The following GCNT2 variants were observed in gnomAD, a reference collection of about 807,000 sequenced individuals.
The protein encoded by GCNT2 is N-acetyllactosaminide beta-1,6-N-acetylglucosaminyl-transferase.
In GCNT2, 34 loss-of-function variants were observed where a neutral mutation model predicts 34.2. That is an observed-to-expected ratio of 1.00 (90% confidence interval 0.76 to 1.32). The LOEUF (loss-of-function observed/expected upper bound fraction) is 1.32, where lower values mean the gene tolerates loss of function less well. Among genes scored for constraint, GCNT2 ranks in the 40% most tolerant of loss-of-function variants. The probability of loss-of-function intolerance (pLI) is 0.00; values close to 1 mark genes in which losing one functional copy is unlikely to be tolerated. For synonymous variants in GCNT2, 212 were observed against 188.0 expected (o/e 1.13, Z -1.04); for missense variants, 584 against 489.4 (o/e 1.19, Z -1.82).
At chr6:10,545,788 G>C (rs916402222) in intron 3 of GCNT2, among the ~76,000 whole-genome samples, 1 of 152,110 alleles carries the variant, frequency 6.6e-6, no homozygotes, top group Non-Finnish European at 1.5e-5. Flanking sequence ...AGACTTCCTT[G>C]CTTTTCAGCT....
chr6:10,579,166 CCTTTT>C (rs1471577801), intron 3 of GCNT2, among the ~76,000 whole-genome samples: 1 of 152,110 alleles, frequency 6.6e-6, no homozygotes, highest in Non-Finnish European at 1.5e-5. Context: ...TGGTTATTTA[CCTTTT>C]CTTATTAATT....
chr6:10,599,220 T>A (rs1203550669), intron 3 of GCNT2, among the ~76,000 whole-genome samples: 1 of 152,108 alleles, frequency 6.6e-6, no homozygotes, highest in Non-Finnish European at 1.5e-5. Context: ...CATTGGTGAG[T>A]GGGATCGATT....
intron 3 of GCNT2, among the ~76,000 whole-genome samples, chr6:10,546,418 G>C (rs976462193): frequency 6.6e-6 from 1 of 152,116 alleles, no homozygotes; most frequent in African/African-American, 2.4e-5. Flanking sequence ...CAGCACTTTG[G>C]GAAGCCGAGG....
chr6:10,614,873 G>C (rs1765700062), intron 3 of GCNT2, among the ~76,000 whole-genome samples: 1 of 152,126 alleles, frequency 6.6e-6, no homozygotes, highest in Admixed American at 6.5e-5. Flanking sequence ...TTGGTTGAGA[G>C]TCTCCTGGTG....
chr6:10,556,787 T>C (rs1169503538), intron 3 of GCNT2: 7 of 1,614,142 alleles, frequency 4.3e-6, no homozygotes, highest in South Asian at 2.2e-5. Context: ...CCAAAATATC[T>C]ACTGTGTTCA....
chr6:10,522,766 G>T (rs946123738), intron 1 of GCNT2, among the ~76,000 whole-genome samples: 2 of 152,182 alleles, frequency 1.3e-5, no homozygotes, highest in African/African-American at 4.8e-5. Flanking sequence ...AGCGATAGAG[G>T]TCGGGAGGGT....
chr6:10,579,841 A>AAAC (rs1554133196), intron 3 of GCNT2, among the ~76,000 whole-genome samples: 148 of 148,820 alleles, frequency 9.9e-4, no homozygotes, highest in African/African-American at 2.2e-3. Context: ...AAAAAAAAAA[A>AAAC]AAAAAAACAA....
intron 3 of GCNT2, among the ~76,000 whole-genome samples, chr6:10,537,698 C>CAAAAAAAAAAAAAAAAAAAAA (rs201257236): frequency 1.3e-4 from 11 of 83,196 alleles, no homozygotes; most frequent in Non-Finnish European, 2.0e-4. Flanking sequence ...GATTCTGCCG[C>CAAAAAAAAAAAAAAAAAAAAA]AAAAAAAAAA....
chr6:10,595,556 C>T (rs1047244918), intron 3 of GCNT2, among the ~76,000 whole-genome samples: 82 of 142,214 alleles, frequency 5.8e-4, no homozygotes, highest in Admixed American at 5.2e-3. Context: ...GGATTACAGG[C>T]GTGCCACTCT....
chr6:10,560,649 GAA>G (rs1380159331), intron 3 of GCNT2, among the ~76,000 whole-genome samples: 1 of 152,086 alleles, frequency 6.6e-6, no homozygotes, highest in Non-Finnish European at 1.5e-5. Context: ...GATGGTTTCA[GAA>G]AACAAAGTGA....
intron 3 of GCNT2, among the ~76,000 whole-genome samples, chr6:10,567,452 A>G (rs1561805659): frequency 6.6e-6 from 1 of 152,172 alleles, no homozygotes; most frequent in Non-Finnish European, 1.5e-5. Flanking sequence ...GCAAGATGCT[A>G]TCTCAAAGAA....
chr6:10,601,919 C>T (rs1765100282), intron 3 of GCNT2, among the ~76,000 whole-genome samples: 1 of 137,682 alleles, frequency 7.3e-6, no homozygotes, highest in Non-Finnish European at 1.5e-5. Flanking sequence ...CCAGCCTGGG[C>T]AACAGAGCGA....
intron 2 of GCNT2, 90 bp downstream of exon 2, chr6:10,527,750 C>G (rs1192377114): frequency 6.6e-6 from 1 of 152,056 alleles, no homozygotes; most frequent in Non-Finnish European, 1.5e-5. Context: ...TTGTTTAGTA[C>G]CATTTTGCTG....
At chr6:10,553,132 C>T (rs1425814646) in intron 3 of GCNT2, among the ~76,000 whole-genome samples, 2 of 152,208 alleles carry the variant, frequency 1.3e-5, no homozygotes, top group African/African-American at 2.4e-5. Context: ...ACAAACAAGT[C>T]TCAGAACAAT....
intron 3 of GCNT2, among the ~76,000 whole-genome samples, chr6:10,611,334 C>CTTT (rs200808872): frequency 2.9e-5 from 4 of 136,448 alleles, no homozygotes; most frequent in Non-Finnish European, 6.2e-5. Flanking sequence ...TTCTTTCTTT[C>CTTT]TTTTTTTTTT....
In GCNT2 at chr6:10,590,844, G is replaced by A. The variant is rs1299451615; in HGVS notation, c.926-30507G>A. Among the ~76,000 whole-genome samples, 10 of 152,242 alleles carry A rather than the reference G, an allele frequency of 6.6e-5. No homozygotes were observed. The East Asian group carries it at 1.2e-3, about 18-fold the overall frequency. ...TGGGATTACAGGCATGAGCCACCGC[G>A]CCCGGCCTAATTTTGACCTATCTTT... On this transcript the variant is annotated intron_variant, in intron 3 of 4. Coordinates refer to ENST00000495262, the MANE Select transcript of GCNT2 (RefSeq NM_145649.5).
chr6:10,535,133 G>C (rs1398768624), intron 3 of GCNT2, among the ~76,000 whole-genome samples: 1 of 152,106 alleles, frequency 6.6e-6, no homozygotes, highest in Admixed American at 6.5e-5. Context: ...GCAATGAGCC[G>C]AGATCGCGCC....
At chr6:10,563,777 AATATATATATAT>A (rs70991026) in intron 3 of GCNT2, among the ~76,000 whole-genome samples, 480 of 24,674 alleles carry the variant, frequency 0.019, 10 homozygotes, top group African/African-American at 0.06. Flanking sequence ...AAAAAAAAAA[AATATATATATAT>A]ATATATATAT....
chr6:10,621,843 C>T (rs1358076887), intron 4 of GCNT2, among the ~76,000 whole-genome samples: 5 of 152,068 alleles, frequency 3.3e-5, no homozygotes, highest in Non-Finnish European at 7.4e-5. Context: ...GAAGCTGGGA[C>T]CACAGGCGTG....
Sources: allele counts gnomAD v4.1 joint callset (sites outside exome capture counted in the v4.1 genomes callset), GRCh38; gene constraint gnomAD v4.1.1; transcripts MANE v1.5; gene names NCBI Gene and HGNC (gene_info 2026-07-23, HGNC 2026-07-21).